Variants in DYNC2LI1 observed in about 807,000 individuals in gnomAD.
DYNC2LI1 encodes dynein cytoplasmic 2 light intermediate chain 1, also known as cytoplasmic dynein 2 light intermediate chain 1.
DYNC2LI1 carries 45 observed loss-of-function variants against 51.9 expected under a neutral mutation model. The observed-to-expected ratio is 0.87, with a 90% CI of 0.68 to 1.11. The LOEUF is 1.11. Among genes scored for constraint, DYNC2LI1 ranks in the 50% most tolerant of loss-of-function variants. The pLI is 0.00. For synonymous variants in DYNC2LI1, 130 were observed against 137.8 expected, an observed-to-expected ratio of 0.94 and a Z score of 0.40; for missense variants, 490 against 417.4, an observed-to-expected ratio of 1.17 and a Z score of -1.51.
At chr2:43,797,800 G>C (rs954408887) in intron 8 of DYNC2LI1, among the ~76,000 whole-genome samples, 4 of 152,064 alleles carry the variant, frequency 2.6e-5, no homozygotes, top group African/African-American at 4.8e-5. Flanking sequence ...TTACAAGCGT[G>C]AGCCACCATG....
chr2:43,783,805 C>A (rs971374423), intron 3 of DYNC2LI1, among the ~76,000 whole-genome samples: 2 of 152,164 alleles, frequency 1.3e-5, no homozygotes, highest in Non-Finnish European at 2.9e-5. Flanking sequence ...ACCCAACCTA[C>A]AATAGTATTT....
At chr2:43,816,540 G>A in the DYNC2LI1 span, among the ~76,000 whole-genome samples, 1 of 152,126 alleles carries the variant, frequency 6.6e-6, no homozygotes, top group East Asian at 1.9e-4. Flanking sequence ...AGGTTGGTTT[G>A]TGCTTTGTCT....
intron 11 of DYNC2LI1, 125 bp downstream of exon 11, chr2:43,804,864 AT>A (rs1434993777): frequency 3.3e-6 from 2 of 606,716 alleles, no homozygotes; most frequent in Non-Finnish European, 5.4e-6. Context: ...TCAATTAAAC[AT>A]TTGCTGAAAA....
chr2:43,775,692 C>CTT (rs540756527), intron 1 of DYNC2LI1: 1,955 of 323,562 alleles, frequency 6.0e-3, no homozygotes, highest in South Asian at 0.013. Flanking sequence ...TTTTTATTTT[C>CTT]TTTTTTTTTT....
chr2:43,783,760 A>G (rs961894036), intron 3 of DYNC2LI1, among the ~76,000 whole-genome samples: 3 of 152,164 alleles, frequency 2.0e-5, no homozygotes, highest in African/African-American at 7.2e-5. Context: ...CTAATACTGG[A>G]TTTCCCTATT....
intron 8 of DYNC2LI1, among the ~76,000 whole-genome samples, chr2:43,797,596 T>A (rs969677430): frequency 4.1e-5 from 6 of 146,788 alleles, no homozygotes; most frequent in African/African-American, 1.5e-4. Context: ...CTCGGCTCAC[T>A]GCAACCTCTA....
At chr2:43,789,512 A>T in intron 4 of DYNC2LI1, 121 bp from the exon 5 acceptor site, 1 of 756,338 alleles carries the variant, frequency 1.3e-6, no homozygotes. Context: ...AAAAATTTTG[A>T]CTGCCAAGAA....
intron 3 of DYNC2LI1, among the ~76,000 whole-genome samples, chr2:43,785,403 G>C: frequency 6.6e-6 from 1 of 151,822 alleles, no homozygotes; most frequent in East Asian, 1.9e-4. Context: ...GAACCTTGAG[G>C]CATTATGCTA....
intron 1 of DYNC2LI1, among the ~76,000 whole-genome samples, chr2:43,775,200 G>A (rs978283991): frequency 1.3e-5 from 2 of 152,158 alleles, no homozygotes; most frequent in African/African-American, 4.8e-5. Context: ...TAGCACAGAG[G>A]ATTGCATATA....
At chr2:43,824,066 G>A in the DYNC2LI1 span, 81 of 1,614,208 alleles carry the variant, frequency 5.0e-5, no homozygotes, top group African/African-American at 6.5e-4. Flanking sequence ...AGATTCTGAA[G>A]GAGACGCGTA....
chr2:43,785,698 C>CA (rs557764042), intron 3 of DYNC2LI1, among the ~76,000 whole-genome samples: 3 of 142,820 alleles, frequency 2.1e-5, no homozygotes, highest in Admixed American at 6.9e-5. Context: ...TGTGCCACTG[C>CA]AAAAAAAATA....
At chr2:43,807,878 C>A (rs1221024215) in intron 12 of DYNC2LI1, among the ~76,000 whole-genome samples, 1 of 151,494 alleles carries the variant, frequency 6.6e-6, no homozygotes, top group African/African-American at 2.4e-5. Flanking sequence ...TATTTTGAGG[C>A]CGTATCATTG....
At chr2:43,784,549 C>T (rs899170563) in intron 3 of DYNC2LI1, among the ~76,000 whole-genome samples, 2 of 152,088 alleles carry the variant, frequency 1.3e-5, no homozygotes, top group Non-Finnish European at 2.9e-5. Flanking sequence ...AAGCGATTCT[C>T]CTGCCTCAGC....
At chr2:43,776,019 T>C (rs1427756023) in intron 1 of DYNC2LI1, among the ~76,000 whole-genome samples, 1 of 151,806 alleles carries the variant, frequency 6.6e-6, no homozygotes, top group African/African-American at 2.4e-5. Context: ...CCAATTTTTT[T>C]TGTTTGTTTT....
rs186966229 is a variant in DYNC2LI1 at position 43,797,770 on chromosome 2, G to A, written c.654+975G>A. ...CCTGACCTCATGATCGACCCTCCTC[G>A]GCCTCCCAAACTGCTGGGATTACAA... On this transcript the variant is annotated intron_variant, in intron 8 of 12. Coordinates refer to ENST00000260605, the MANE Select transcript of DYNC2LI1 (RefSeq NM_016008.4). Among the ~76,000 whole-genome samples, 78 of 151,894 alleles carry A rather than the reference G, an allele frequency of 5.1e-4. 1 individual carries two copies. The highest frequency in any genetic ancestry group is 1.0e-3 in the South Asian group (5 of 4,794).
chr2:43,785,168 G>A (rs1330226680), intron 3 of DYNC2LI1, among the ~76,000 whole-genome samples: 2 of 151,988 alleles, frequency 1.3e-5, no homozygotes, highest in Admixed American at 1.3e-4. Context: ...GCATGGTGGT[G>A]CATACCTGTA....
downstream of DYNC2LI1, chr2:43,810,119 G>T: frequency 2.5e-6 from 1 of 392,532 alleles, no homozygotes; most frequent in Non-Finnish European, 3.5e-6. Flanking sequence ...GCAAGGTTAA[G>T]TGCCCACGTT....
At chr2:43,821,838 G>C in the DYNC2LI1 span, among the ~76,000 whole-genome samples, 1 of 151,576 alleles carries the variant, frequency 6.6e-6, no homozygotes, top group African/African-American at 2.4e-5. Flanking sequence ...TGAATTTCTT[G>C]ATATCTTCAT....
At chr2:43,775,706 TAG>T in intron 1 of DYNC2LI1, 2 of 384,426 alleles carry the variant, frequency 5.2e-6, no homozygotes, top group South Asian at 1.9e-5. Context: ...TTTTTTTTTT[TAG>T]ACAGAGTCTC....
Sources: gnomAD v4.1 joint callset for allele counts (sites outside exome capture counted in the v4.1 genomes callset) on GRCh38, gnomAD v4.1.1 for gene constraint, MANE v1.5 for transcripts, NCBI Gene and HGNC (gene_info 2026-07-23, HGNC 2026-07-21) for gene names.